Variants in RBMS3 observed in about 807,000 individuals in gnomAD.
RBMS3 encodes the protein RNA-binding motif, single-stranded-interacting protein 3.
A neutral mutation model predicts 66.8 loss-of-function variants in RBMS3; 27 were observed. That is an observed-to-expected ratio of 0.40 (90% CI 0.30 to 0.56). The LOEUF is 0.56. RBMS3 is among the 20% of genes least tolerant of loss of function. RBMS3 has a pLI of 0.40. For missense variants in RBMS3, 513 were observed against 549.5 expected (o/e 0.93, Z 0.66); for synonymous variants, 188 against 183.0 (o/e 1.03, Z -0.22).
chr3:29,894,466 C>A (rs1264250526), intron 8 of RBMS3, among the ~76,000 whole-genome samples: 1 of 151,428 alleles, frequency 6.6e-6, no homozygotes, highest in Non-Finnish European at 1.5e-5. Flanking sequence ...CTTGTTATGT[C>A]CTTATATGGC....
intron 4 of RBMS3, among the ~76,000 whole-genome samples, chr3:29,731,635 T>A (rs182890431): frequency 6.6e-6 from 1 of 152,290 alleles, no homozygotes; most frequent in East Asian, 1.9e-4. Flanking sequence ...GTAAGGCATC[T>A]TACTTTGCCT....
At chr3:29,552,568 C>T (rs541138554) in intron 3 of RBMS3, among the ~76,000 whole-genome samples, 3 of 152,164 alleles carry the variant, frequency 2.0e-5, no homozygotes, top group Admixed American at 6.5e-5. Flanking sequence ...ATGCATCAAC[C>T]GTCTTCTCTA....
chr3:29,777,750 G>C (rs1056235351), intron 6 of RBMS3, among the ~76,000 whole-genome samples: 9 of 151,758 alleles, frequency 5.9e-5, no homozygotes, highest in African/African-American at 2.2e-4. Context: ...AAATAAATGC[G>C]TTGGAATACC....
In RBMS3 at chr3:29,399,419, C is replaced by T. The variant is rs1032139388; in HGVS notation, c.76-35324C>T. ...ACAAATACAGATTCTTGGCTATAAG[C>T]AAGAGCAAATCTATCTATTAAGAGC... is the stretch of plus-strand genomic sequence containing the variant. On this transcript the variant is annotated intron_variant, in intron 1 of 14. Transcript: ENST00000383767. Among the ~76,000 whole-genome samples the T allele has an allele frequency of 3.3e-5, 5 of 152,082 alleles. No homozygotes were observed. In the East Asian group the frequency reaches 5.8e-4, roughly 18 times the overall value.
intron 7 of RBMS3, chr3:29,880,773 C>T (rs909669703): frequency 2.0e-6 from 3 of 1,535,730 alleles, no homozygotes; most frequent in South Asian, 1.2e-5. Flanking sequence ...TCTCCTCTTG[C>T]CAAAGGTACT....
At chr3:29,674,118 T>C (rs1363570630) in intron 4 of RBMS3, among the ~76,000 whole-genome samples, 1 of 152,172 alleles carries the variant, frequency 6.6e-6, no homozygotes, top group African/African-American at 2.4e-5. Context: ...TCAGTAAATG[T>C]AATCCATCAT....
chr3:29,643,521 T>C (rs1404422256), intron 4 of RBMS3, among the ~76,000 whole-genome samples: 3 of 152,146 alleles, frequency 2.0e-5, no homozygotes, highest in African/African-American at 4.8e-5. Context: ...CTTCTGACTT[T>C]CCTTTCAGAA....
intron 1 of RBMS3, among the ~76,000 whole-genome samples, chr3:29,323,239 T>G (rs2035113768): frequency 6.6e-6 from 1 of 151,982 alleles, no homozygotes; most frequent in Non-Finnish European, 1.5e-5. Flanking sequence ...TTTTATGTTT[T>G]ATATGTTATT....
intron 12 of RBMS3, among the ~76,000 whole-genome samples, chr3:29,978,635 G>T (rs1697758223): frequency 6.6e-6 from 1 of 151,656 alleles, no homozygotes; most frequent in African/African-American, 2.4e-5. Flanking sequence ...TGAATATAAA[G>T]TGAAGGTTAA....
chr3:29,617,845 C>T (rs541797685), intron 4 of RBMS3, among the ~76,000 whole-genome samples: 1 of 152,136 alleles, frequency 6.6e-6, no homozygotes, highest in South Asian at 2.1e-4. Flanking sequence ...AAAAACTGTG[C>T]TGTAGGTGTT....
chr3:29,842,211 T>G (rs548346146), intron 6 of RBMS3, among the ~76,000 whole-genome samples: 1 of 152,192 alleles, frequency 6.6e-6, no homozygotes, highest in South Asian at 2.1e-4. Flanking sequence ...TTGTCATTAT[T>G]AATTGCATTC....
At chr3:29,821,391 C>T (rs1442685759) in intron 6 of RBMS3, among the ~76,000 whole-genome samples, 1 of 152,120 alleles carries the variant, frequency 6.6e-6, no homozygotes, top group Non-Finnish European at 1.5e-5. Flanking sequence ...CTTATTTCTA[C>T]ACCTGGAAAT....
chr3:29,482,217 C>G (rs1311148184), intron 2 of RBMS3, among the ~76,000 whole-genome samples: 1 of 152,152 alleles, frequency 6.6e-6, no homozygotes, highest in Non-Finnish European at 1.5e-5. Context: ...CATAAACTTT[C>G]GCTAAGGTGA....
chr3:29,817,346 G>A (rs1422842978), intron 6 of RBMS3, among the ~76,000 whole-genome samples: 1 of 151,932 alleles, frequency 6.6e-6, no homozygotes, highest in African/African-American at 2.4e-5. Flanking sequence ...TGGGATTACA[G>A]GCGTCCACCA....
chr3:29,438,811 T>C (rs1228564641), intron 2 of RBMS3, among the ~76,000 whole-genome samples: 2 of 152,114 alleles, frequency 1.3e-5, no homozygotes, highest in Non-Finnish European at 2.9e-5. Flanking sequence ...TAAATTTAGA[T>C]AAAGGAGAAA....
intron 1 of RBMS3, among the ~76,000 whole-genome samples, chr3:29,335,354 T>C (rs1188870157): frequency 1.3e-5 from 2 of 152,188 alleles, no homozygotes; most frequent in Non-Finnish European, 2.9e-5. Context: ...TAATGCCTGT[T>C]GGTGCAAGCA....
intron 4 of RBMS3, among the ~76,000 whole-genome samples, chr3:29,708,918 G>C (rs1270240398): frequency 6.6e-6 from 1 of 152,152 alleles, no homozygotes; most frequent in Non-Finnish European, 1.5e-5. Flanking sequence ...CAGGAAGCTA[G>C]TTGACCCAAG....
intron 4 of RBMS3, among the ~76,000 whole-genome samples, chr3:29,720,717 A>T (rs11709856): frequency 0.51 from 75,674 of 147,956 alleles, 19,459 homozygotes; most frequent in African/African-American, 0.64. Context: ...TGTGTGTGTG[A>T]GTGTGTGTGT....
At chr3:29,884,321 C>A in intron 8 of RBMS3, 113 bp downstream of exon 8, 4 of 994,716 alleles carry the variant, frequency 4.0e-6, no homozygotes, top group Non-Finnish European at 6.0e-6. Flanking sequence ...TCCTTAAACA[C>A]AAAGTTTAAA....
Sources: gnomAD v4.1 joint callset for allele counts (sites outside exome capture counted in the v4.1 genomes callset) on GRCh38, gnomAD v4.1.1 for gene constraint, MANE v1.5 for transcripts, NCBI Gene and HGNC (gene_info 2026-07-23, HGNC 2026-07-21) for gene names.